Variants in HEXB observed in about 807,000 individuals in gnomAD.
The protein encoded by HEXB is beta-hexosaminidase subunit beta.
A neutral mutation model predicts 71.2 loss-of-function variants in HEXB; 51 were observed. That is an observed-to-expected ratio of 0.72 (90% CI 0.57 to 0.90). The LOEUF (loss-of-function observed/expected upper bound fraction) is 0.90, where lower values mean the gene tolerates loss of function less well. Ranked by LOEUF, HEXB falls within the 40% of genes least tolerant of loss-of-function variation. The pLI is 0.00. For missense variants in HEXB, 617 were observed against 677.0 expected (o/e 0.91, Z 0.98); for synonymous variants, 266 against 249.3 (o/e 1.07, Z -0.63).
chr5:74,698,250 CA>C (rs1303447733), intron 5 of HEXB, among the ~76,000 whole-genome samples: 1 of 149,016 alleles, frequency 6.7e-6, no homozygotes, highest in Admixed American at 6.7e-5. Context: ...GCTAATTTTG[CA>C]TTTTTAGTAG....
chr5:74,719,559 A>C (rs998431968), intron 11 of HEXB, among the ~76,000 whole-genome samples: 42 of 152,230 alleles, frequency 2.8e-4, no homozygotes, highest in Non-Finnish European at 6.0e-4. Flanking sequence ...CTGTTTAAAA[A>C]AGTTTCAAAA....
rs1417706193 is a variant in HEXB at position 74,696,992 on chromosome 5, A to G, written c.559-4A>G. 4 of 1,465,290 alleles carry G rather than the reference A, an allele frequency of 2.7e-6. No individual in the cohort carries two copies. The highest frequency in any genetic ancestry group is 1.7e-5 in the Admixed American group (1 of 59,796). 90.8% of individuals were successfully genotyped at this position (1,465,290 alleles called of 1,614,324 possible). A position where few individuals can be genotyped will look rare whatever the true frequency, so the allele number is the denominator to read the frequency against. ...AACTAAATCAAAATTTTATTTTGTC[A>G]TAGTTCACCATCAATGAATCCACCA... On this transcript the variant is annotated splice_polypyrimidine_tract_variant and splice_region_variant and intron_variant, in intron 4 of 13. Transcript: ENST00000261416.
chr5:74,646,388 C>A (rs1748001608), intron 1 of HEXB, among the ~76,000 whole-genome samples: 1 of 152,084 alleles, frequency 6.6e-6, no homozygotes, highest in South Asian at 2.1e-4. Context: ...GTTCACAGAT[C>A]TCTTAGAGTG....
chr5:74,703,197 C>T (rs942176258), intron 5 of HEXB, among the ~76,000 whole-genome samples: 2 of 152,254 alleles, frequency 1.3e-5, no homozygotes, highest in African/African-American at 2.4e-5. Context: ...AGGTGGTCCA[C>T]CCAGCTTGGC....
At chr5:74,700,001 C>CT (rs58177670) in intron 5 of HEXB, among the ~76,000 whole-genome samples, 1,455 of 40,408 alleles carry the variant, frequency 0.036, 60 homozygotes, top group Non-Finnish European at 0.043. Context: ...TGTAAGTTTC[C>CT]TTTTTTTTTT....
At chr5:74,700,168 G>A (rs931490856) in intron 5 of HEXB, among the ~76,000 whole-genome samples, 42 of 150,926 alleles carry the variant, frequency 2.8e-4, no homozygotes, top group Non-Finnish European at 5.2e-4. Flanking sequence ...CACCACACCC[G>A]GCTAATTTTT....
At chr5:74,689,240 G>C in intron 1 of HEXB, 88 bp from the exon 2 acceptor site, 1 of 952,798 alleles carries the variant, frequency 1.0e-6, no homozygotes, top group Non-Finnish European at 1.7e-6. Flanking sequence ...ATGGATTTGA[G>C]GAGTTAACTA....
In HEXB at chr5:74,708,915, T is replaced by C. The variant is rs576142662; in HGVS notation, c.771+3595T>C. Among the ~76,000 whole-genome samples the C allele has an allele frequency of 2.6e-3, 398 of 152,188 alleles. 1 individual carries two copies. The highest frequency in any genetic ancestry group is 9.3e-3 in the African/African-American group (386 of 41,538). On this transcript the variant is annotated intron_variant, in intron 6 of 13. Transcript: ENST00000261416. Reference sequence around the variant, plus strand: ...GAAAGTCAACAAGGATACCCAGGAATTGAACTCAGCTCTGCACCAAGTGAA... The same window carrying C: ...GAAAGTCAACAAGGATACCCAGGAACTGAACTCAGCTCTGCACCAAGTGAA...
At chr5:74,710,352 G>C (rs1224855265) in intron 6 of HEXB, among the ~76,000 whole-genome samples, 1 of 150,672 alleles carries the variant, frequency 6.6e-6, no homozygotes, top group Non-Finnish European at 1.5e-5. Flanking sequence ...GCAAAAACTA[G>C]AAGCATTCCC....
At chr5:74,657,227 A>G (rs1364840285) in intron 1 of HEXB, among the ~76,000 whole-genome samples, 1 of 152,150 alleles carries the variant, frequency 6.6e-6, no homozygotes, top group Non-Finnish European at 1.5e-5. Flanking sequence ...CATGAGCCAC[A>G]AGGCCCTACT....
At chr5:74,705,559 C>T (rs1561222244) in intron 6 of HEXB, 3 of 487,794 alleles carry the variant, frequency 6.2e-6, no homozygotes, top group East Asian at 3.8e-5. Context: ...AAGTGTAAAT[C>T]GAAATTTAAC....
chr5:74,689,923 T>G (rs1748959717), intron 2 of HEXB: 3 of 190,348 alleles, frequency 1.6e-5, no homozygotes, highest in Non-Finnish European at 3.3e-5. Flanking sequence ...TTCTGTGATA[T>G]CATTTTCAAT....
At chr5:74,707,332 A>C (rs1749423319) in intron 6 of HEXB, among the ~76,000 whole-genome samples, 1 of 152,198 alleles carries the variant, frequency 6.6e-6, no homozygotes, top group Admixed American at 6.5e-5. Context: ...TAAAACCACA[A>C]AGATGGGGAA....
intron 1 of HEXB, among the ~76,000 whole-genome samples, chr5:74,644,126 A>G (rs1452637950): frequency 2.6e-5 from 4 of 152,222 alleles, no homozygotes; most frequent in Non-Finnish European, 4.4e-5. Context: ...TGTTGCGATC[A>G]ACATCCCTGA....
intron 5 of HEXB, among the ~76,000 whole-genome samples, chr5:74,700,662 G>A (rs1371257234): frequency 6.6e-6 from 1 of 151,894 alleles, no homozygotes; most frequent in Non-Finnish European, 1.5e-5. Context: ...TTCTAAATTT[G>A]TTTTAATAAC....
At chr5:74,715,809 G>A (rs918243717) in intron 8 of HEXB, 119 bp downstream of exon 8, 1 of 733,838 alleles carries the variant, frequency 1.4e-6, no homozygotes, top group Non-Finnish European at 2.4e-6. Context: ...CTGAGGTCAG[G>A]AGTTCAAGAC....
At chr5:74,665,034 G>T (rs952886112) in intron 1 of HEXB, among the ~76,000 whole-genome samples, 1 of 152,084 alleles carries the variant, frequency 6.6e-6, no homozygotes, top group Non-Finnish European at 1.5e-5. Flanking sequence ...TTTTAAGAAC[G>T]AATCAGAGGT....
intron 9 of HEXB, 143 bp from the exon 10 acceptor site, chr5:74,718,148 C>T (rs1579954013): frequency 3.0e-6 from 2 of 664,296 alleles, no homozygotes; most frequent in East Asian, 5.6e-5. Context: ...CACTTCCCAA[C>T]TTGAGCTGCT....
chr5:74,694,351 C>T (rs1749064814), intron 3 of HEXB, among the ~76,000 whole-genome samples: 1 of 152,202 alleles, frequency 6.6e-6, no homozygotes, highest in South Asian at 2.1e-4. Flanking sequence ...CTTCTGTTGA[C>T]TTCAGAAGCA....
Sources: allele counts gnomAD v4.1 joint callset (sites outside exome capture counted in the v4.1 genomes callset), GRCh38; gene constraint gnomAD v4.1.1; transcripts MANE v1.5; gene names NCBI Gene and HGNC (gene_info 2026-07-23, HGNC 2026-07-21).